Variants in PIK3C2G observed in about 807,000 individuals in gnomAD.
The protein encoded by PIK3C2G is phosphatidylinositol-4-phosphate 3-kinase catalytic subunit type 2 gamma.
PIK3C2G carries 168 observed loss-of-function variants against 181.1 expected under a neutral mutation model. That is an observed-to-expected ratio of 0.93 (90% CI 0.82 to 1.05). The LOEUF (loss-of-function observed/expected upper bound fraction) is 1.05. Ranked by LOEUF, PIK3C2G falls within the 50% of genes least tolerant of loss-of-function variation. The pLI, the probability that PIK3C2G is intolerant of heterozygous loss-of-function variation, is 0.00. For missense variants in PIK3C2G, 1,869 were observed against 1,732.8 expected (o/e 1.08, Z -1.40); for synonymous variants, 573 against 592.2 (o/e 0.97, Z 0.47).
chr12:18,362,838 A>G lies in PIK3C2G; in HGVS notation c.1700A>G (p.Asn567Ser). ...CTGTGCCAAGTGAGAAACTACAGAA[A>G]TATTCCAGACAAGAAATTATTTTTT... ...KKLCQVRNYR[N>S]IPDKKLFFFL... Residue 567 changes from asparagine (N) to serine (S), a missense_variant, in exon 12 of 33, where the codon AAT becomes AGT. Coordinates refer to ENST00000538779, the MANE Select transcript of PIK3C2G (RefSeq NM_001288772.2). 6.6e-7 allele frequency: 1 copy of G among 1,521,930 alleles called. No homozygotes were observed. Among genetic ancestry groups the G allele is most frequent in the Non-Finnish European group, 8.8e-7 (1 of 1,138,796 alleles). 94.3% of individuals were successfully genotyped at this position (1,521,930 alleles called of 1,614,324 possible).
rs191854903 is a variant in PIK3C2G, at chr12:18,562,268, A to G, written c.3591-435A>G. ...TGCCTCAGGCTCCCGAGTAGCTGGG[A>G]CTACAGGCACCCGCCACCACGCCCG... is the stretch of plus-strand genomic sequence containing the variant. On this transcript the variant is annotated intron_variant, in intron 26 of 32. Transcript: ENST00000538779. Among the ~76,000 whole-genome samples the G allele has an allele frequency of 5.8e-3, 876 of 152,190 alleles. 5 individuals are homozygous for G. The highest frequency in any genetic ancestry group is 0.02 in the African/African-American group (835 of 41,506).
intron 26 of PIK3C2G, among the ~76,000 whole-genome samples, chr12:18,562,133 T>G (rs928709097): frequency 2.6e-5 from 4 of 152,194 alleles, no homozygotes; most frequent in Non-Finnish European, 5.9e-5. Flanking sequence ...AAAATCTTTT[T>G]TTGTTGTTGT....
chr12:18,581,447 T>A (rs944450977), intron 29 of PIK3C2G, among the ~76,000 whole-genome samples: 7 of 152,234 alleles, frequency 4.6e-5, no homozygotes, highest in Non-Finnish European at 8.8e-5. Context: ...TTTATTTATT[T>A]ATTCACCAAA....
At chr12:18,712,956 C>G in the PIK3C2G span, 1 of 1,613,948 alleles carries the variant, frequency 6.2e-7, no homozygotes, top group East Asian at 2.2e-5. Flanking sequence ...AGCAGTCAAT[C>G]TCCAAACAAC....
At chr12:18,370,266 C>A (rs1031491532) in intron 12 of PIK3C2G, among the ~76,000 whole-genome samples, 1 of 152,152 alleles carries the variant, frequency 6.6e-6, no homozygotes, top group Non-Finnish European at 1.5e-5. Context: ...GTATTTATGA[C>A]CTTCTGGACA....
chr12:18,267,813 T>A (rs745940932), intron 1 of PIK3C2G, among the ~76,000 whole-genome samples: 2 of 152,248 alleles, frequency 1.3e-5, no homozygotes, highest in Admixed American at 1.3e-4. Context: ...AGAAGTGGAC[T>A]GTTTTTGTAC....
At chr12:18,629,732 G>C (rs1421928020) in intron 31 of PIK3C2G, among the ~76,000 whole-genome samples, 1 of 152,100 alleles carries the variant, frequency 6.6e-6, no homozygotes, top group Admixed American at 6.6e-5. Flanking sequence ...AAATCCAAAT[G>C]ATGTGCAGGA....
Position 18,311,762 on chromosome 12 carries a change from G to A in PIK3C2G, c.1035-2200G>A, listed in dbSNP as rs115636362. ...GAGAGACAGAACTAATAGGACAGAT[G>A]TGTATATATAAAGGGGAGTTTATTA... is the stretch of plus-strand genomic sequence containing the variant. On this transcript the variant is annotated intron_variant, in intron 5 of 32. Coordinates refer to ENST00000538779, the MANE Select transcript of PIK3C2G (RefSeq NM_001288772.2). 4.6e-3 allele frequency among the ~76,000 whole-genome samples: 697 copies of A among 152,036 alleles called. 4 individuals carry two copies. The highest frequency in any genetic ancestry group is 0.016 in the African/African-American group (663 of 41,474).
chr12:18,278,172 A>T (rs1949063931), intron 1 of PIK3C2G, among the ~76,000 whole-genome samples: 1 of 152,170 alleles, frequency 6.6e-6, no homozygotes, highest in African/African-American at 2.4e-5. Context: ...ATTACGTTTC[A>T]GTTCTGTAAG....
At chr12:18,600,597 G>T (rs933243356) in intron 30 of PIK3C2G, among the ~76,000 whole-genome samples, 14 of 151,896 alleles carry the variant, frequency 9.2e-5, no homozygotes, top group Admixed American at 7.9e-4. Context: ...ATGCAAGTAC[G>T]CAAATATTAA....
chr12:18,275,464 C>T (rs1025936581), intron 1 of PIK3C2G, among the ~76,000 whole-genome samples: 4 of 152,126 alleles, frequency 2.6e-5, no homozygotes, highest in African/African-American at 9.7e-5. Flanking sequence ...TCAGTGCAAC[C>T]TCTGCCTTCT....
upstream of PIK3C2G, among the ~76,000 whole-genome samples, chr12:18,243,577 T>C (rs1047664895): frequency 3.9e-5 from 6 of 152,022 alleles, no homozygotes; most frequent in African/African-American, 1.4e-4. Flanking sequence ...TGAAAAATTA[T>C]AATTAGTGAG....
intron 24 of PIK3C2G, among the ~76,000 whole-genome samples, chr12:18,509,588 C>G (rs1182465259): frequency 2.0e-5 from 3 of 152,186 alleles, no homozygotes; most frequent in Non-Finnish European, 4.4e-5. Context: ...CAAAGCCACT[C>G]TCTCATTTGG....
chr12:18,695,138 C>A, the PIK3C2G span: 1 of 1,495,174 alleles, frequency 6.7e-7, no homozygotes, highest in South Asian at 1.1e-5. Flanking sequence ...TAAAGGAACA[C>A]AAACCACTTA....
chr12:18,642,786 CTGTGTGTGTGTG>C (rs56095750), intron 32 of PIK3C2G, among the ~76,000 whole-genome samples: 38 of 143,098 alleles, frequency 2.7e-4, no homozygotes, highest in African/African-American at 9.6e-4. Context: ...ATAAGTGACA[CTGTGTGTGTGTG>C]TGTGTGTGTG....
intron 14 of PIK3C2G, among the ~76,000 whole-genome samples, chr12:18,387,597 G>T (rs774950847): frequency 5.3e-5 from 8 of 151,834 alleles, no homozygotes; most frequent in Non-Finnish European, 1.2e-4. Flanking sequence ...TCCACCCACG[G>T]ACCCTCTAGA....
chr12:18,446,403 C>G (rs1297612895), intron 18 of PIK3C2G, among the ~76,000 whole-genome samples: 1 of 152,110 alleles, frequency 6.6e-6, no homozygotes, highest in South Asian at 2.1e-4. Flanking sequence ...TTCTCTGCCT[C>G]CCTAACTGTG....
the PIK3C2G span, among the ~76,000 whole-genome samples, chr12:18,701,239 C>T: frequency 6.6e-6 from 1 of 152,048 alleles, no homozygotes; most frequent in African/African-American, 2.4e-5. Flanking sequence ...CCCACCTCAG[C>T]CTCCCAAAGT....
chr12:18,385,638 G>A (rs1478644359), intron 14 of PIK3C2G, among the ~76,000 whole-genome samples: 2 of 151,860 alleles, frequency 1.3e-5, no homozygotes, highest in Non-Finnish European at 2.9e-5. Flanking sequence ...GCGCGATCTC[G>A]GCTCACTGCA....
Sources: gnomAD v4.1 joint callset for allele counts (sites outside exome capture counted in the v4.1 genomes callset) on GRCh38, gnomAD v4.1.1 for gene constraint, MANE v1.5 for transcripts, NCBI Gene and HGNC (gene_info 2026-07-23, HGNC 2026-07-21) for gene names.